Variants in CMTR1 observed in about 807,000 individuals in gnomAD.
CMTR1 encodes the protein cap methyltransferase 1.
A neutral mutation model predicts 107.0 loss-of-function variants in CMTR1; 39 were observed. The ratio of observed to expected loss-of-function variants is 0.36; its 90% CI spans 0.28 to 0.48. The LOEUF is 0.48. Among genes scored for constraint, CMTR1 ranks in the 20% least tolerant of loss-of-function variants. The pLI is 0.99. For synonymous variants in CMTR1, 366 were observed against 379.5 expected, an observed-to-expected ratio of 0.96 and a Z score of 0.41; for missense variants, 672 against 1,064.9, an observed-to-expected ratio of 0.63 and a Z score of 5.14.
At position 37,480,551 on chromosome 6, in the gene CMTR1, T is replaced by C. The variant is rs921203434; in HGVS notation, c.*406T>C. The C allele has an allele frequency of 3.8e-6, 4 of 1,046,864 alleles. No homozygotes were observed. The highest frequency in any genetic ancestry group is 1.7e-5 in the African/African-American group (1 of 57,984). 64.8% of individuals were successfully genotyped at this position (1,046,864 alleles called of 1,614,324 possible). On this transcript the variant is annotated 3_prime_UTR_variant, in exon 24 of 24. Transcript: ENST00000373451. ...ACTGCCCTGAGGGTAGCCATGCCCT[T>C]GCTTTGCCCAACTTTTTATTGGGCC...
upstream of CMTR1, among the ~76,000 whole-genome samples, chr6:37,431,312 T>C (rs1198306357): frequency 1.3e-5 from 2 of 152,198 alleles, no homozygotes; most frequent in Non-Finnish European, 2.9e-5. Context: ...ACCAAAAGTG[T>C]TCATGTCATA....
At chr6:37,435,486 G>T in intron 1 of CMTR1, 138 bp from the exon 2 acceptor site, 1 of 830,338 alleles carries the variant, frequency 1.2e-6, no homozygotes, top group Non-Finnish European at 1.8e-6. Flanking sequence ...TGAGGAAGAG[G>T]CTATTCAAGT....
intron 5 of CMTR1, 112 bp downstream of exon 5, chr6:37,450,455 A>G: frequency 1.3e-6 from 1 of 776,588 alleles, no homozygotes; most frequent in Non-Finnish European, 2.2e-6. Context: ...GAATCTGACC[A>G]TTCATGTTGG....
At chr6:37,478,572 C>A in intron 22 of CMTR1, 51 bp downstream of exon 22, 2 of 1,454,358 alleles carry the variant, frequency 1.4e-6, no homozygotes, top group Non-Finnish European at 1.9e-6. Context: ...CCCCTCTCCT[C>A]GCCAGGTGAT....
chr6:37,450,108 A>C, intron 4 of CMTR1, 143 bp from the exon 5 acceptor site: 1 of 620,050 alleles, frequency 1.6e-6, no homozygotes, highest in Non-Finnish European at 2.9e-6. Flanking sequence ...CTCATGTCTG[A>C]CCACTGCATT....
intron 8 of CMTR1, among the ~76,000 whole-genome samples, chr6:37,457,055 TAA>T (rs759840483): frequency 5.0e-5 from 7 of 139,910 alleles, no homozygotes; most frequent in Middle Eastern, 3.5e-3. Context: ...ATCCTGTCTC[TAA>T]AAAAAAAAAA....
intron 8 of CMTR1, among the ~76,000 whole-genome samples, chr6:37,455,782 A>G (rs1181699096): frequency 6.6e-6 from 1 of 152,256 alleles, no homozygotes; most frequent in African/African-American, 2.4e-5. Flanking sequence ...GATTGAGTAC[A>G]ATATCATCTT....
Position 37,462,065 on chromosome 6 carries a change from T to A in CMTR1, c.1288T>A (p.Phe430Ile), listed in dbSNP as rs1256633725. ...LYCCFERVCL[F>I]KPITSRPANS... is the part of the protein sequence containing the mutation. ...CTGCTGCTTTGAACGAGTTTGTCTC[T>A]TCAAGCCTATTACCAGCCGTCCTGC... The change falls in exon 12 of 24, where the codon TTC (phenylalanine) becomes ATC (isoleucine). Residue 430 changes from phenylalanine (F) to isoleucine (I), a missense_variant. Around this residue, in one of 2 missense-constraint regions of CMTR1, gnomAD observed 583 missense variants for 968.4 expected, o/e 0.60. Transcript: ENST00000373451. 1 of 1,614,086 alleles carries A rather than the reference T, an allele frequency of 6.2e-7. No homozygotes were observed. The highest frequency in any genetic ancestry group is 1.1e-5 in the South Asian group (1 of 91,066).
intron 20 of CMTR1, among the ~76,000 whole-genome samples, chr6:37,476,910 A>G (rs1761749707): frequency 6.6e-6 from 1 of 152,266 alleles, no homozygotes; most frequent in African/African-American, 2.4e-5. Flanking sequence ...TATAGATGGC[A>G]TGTGAAAGTT....
At chr6:37,431,020 A>AC (rs1178091653), upstream of CMTR1, among the ~76,000 whole-genome samples, 2 of 151,426 alleles carry the variant, frequency 1.3e-5, no homozygotes, top group African/African-American at 4.9e-5. Context: ...CTCAAAAAAA[A>AC]AAAAAAAAAA....
intron 8 of CMTR1, among the ~76,000 whole-genome samples, chr6:37,457,964 G>T (rs1761330647): frequency 6.6e-6 from 1 of 152,134 alleles, no homozygotes; most frequent in African/African-American, 2.4e-5. Flanking sequence ...TATATGTGGG[G>T]CATATTCTGT....
At chr6:37,436,223 G>T (rs1291686760) in intron 2 of CMTR1, 1 of 153,362 alleles carries the variant, frequency 6.5e-6, no homozygotes, top group South Asian at 2.1e-4. Context: ...AACTACTGGA[G>T]CATTGCTGCG....
intron 20 of CMTR1, 131 bp from the exon 21 acceptor site, chr6:37,477,461 G>A: frequency 1.3e-6 from 1 of 775,864 alleles, no homozygotes; most frequent in Non-Finnish European, 2.3e-6. Flanking sequence ...CGCTGCCGGT[G>A]GGCTGGGTGG....
chr6:37,459,145 A>G (rs1029755746), intron 9 of CMTR1, among the ~76,000 whole-genome samples: 1 of 152,262 alleles, frequency 6.6e-6, no homozygotes, highest in Non-Finnish European at 1.5e-5. Flanking sequence ...TATAAACCCA[A>G]TGCCCATCTC....
At chr6:37,475,685 T>G (rs529274730) in intron 19 of CMTR1, 3 of 549,370 alleles carry the variant, frequency 5.5e-6, no homozygotes, top group African/African-American at 1.9e-5. Flanking sequence ...TATGTTAAGG[T>G]TGAGCAAGAG....
rs144799804 is a variant in CMTR1 at position 37,446,321 on chromosome 6, T to C, written c.316T>C (p.Leu106=). 9.9e-5 allele frequency: 160 copies of C among 1,614,204 alleles called. No homozygotes were observed. The African/African-American group carries it at 1.6e-3, about 16-fold the overall frequency. Residue 106 remains leucine (L), a synonymous_variant, in exon 4 of 24, where the codon TTG becomes CTG. Coordinates refer to ENST00000373451, the MANE Select transcript of CMTR1 (RefSeq NM_015050.3). Reference sequence around the variant, plus strand: ...GATGGGCTTCAGGGAAGGTGAAGGATTGGGTAAATACAGCCAGGGTCGGAA... The same window carrying C: ...GATGGGCTTCAGGGAAGGTGAAGGACTGGGTAAATACAGCCAGGGTCGGAA... ...AKMGFREGEG[L]GKYSQGRKDI...
chr6:37,432,358 T>C (rs1011409316), upstream of CMTR1, among the ~76,000 whole-genome samples: 2 of 152,296 alleles, frequency 1.3e-5, no homozygotes, highest in African/African-American at 2.4e-5. Flanking sequence ...GTGTTGAAAA[T>C]TATAAAAATC....
intron 5 of CMTR1, among the ~76,000 whole-genome samples, chr6:37,450,802 T>C (rs759826442): frequency 6.6e-6 from 1 of 152,260 alleles, no homozygotes; most frequent in African/African-American, 2.4e-5. Flanking sequence ...TCAAAGTGTA[T>C]GTGCTCCCGG....
At chr6:37,433,857 A>G (rs933636748) in intron 1 of CMTR1, among the ~76,000 whole-genome samples, 1 of 152,194 alleles carries the variant, frequency 6.6e-6, no homozygotes, top group Admixed American at 6.5e-5. Context: ...CTGTGGCCGC[A>G]GTCTTTTCCC....
Sources: allele counts gnomAD v4.1 joint callset (sites outside exome capture counted in the v4.1 genomes callset), GRCh38; gene constraint gnomAD v4.1.1; regional missense constraint gnomAD v4.1.1; transcripts MANE v1.5; gene names NCBI Gene and HGNC (gene_info 2026-07-23, HGNC 2026-07-21).